Variants in NKAIN1 observed in about 807,000 individuals in gnomAD.
NKAIN1 encodes sodium/potassium transporting ATPase interacting 1.
Under a neutral mutation model 31.6 loss-of-function variants are expected in NKAIN1, and 13 were observed. The ratio of observed to expected loss-of-function variants is 0.41; its 90% CI spans 0.27 to 0.65. The LOEUF is 0.65. Ranked by LOEUF, NKAIN1 falls within the 30% of genes least tolerant of loss-of-function variation. NKAIN1 has a pLI of 0.30. For missense variants in NKAIN1, 193 were observed against 262.2 expected (o/e 0.74, Z 1.82); for synonymous variants, 104 against 109.0 (o/e 0.95, Z 0.28).
intron 1 of NKAIN1, among the ~76,000 whole-genome samples, chr1:31,232,082 T>C (rs1191941825): frequency 8.9e-6 from 1 of 112,988 alleles, no homozygotes; most frequent in Non-Finnish European, 1.8e-5. Context: ...CCCAGCTAAG[T>C]TTTTACCTTT....
rs141110311 is a variant in NKAIN1, at chr1:31,183,917, C to T, written c.371G>A (p.Arg124His). The change falls in exon 4 of 7, where the codon CGC becomes CAC. Residue 124 changes from arginine to histidine, a missense_variant. By Grantham distance (29) the Arg-to-His change is conservative (BLOSUM62 0). Transcript: ENST00000373736. ...GCLVTPVLNS[R>H]LALEDHHVIS... ...GACATGGTGGTCCTCCAGAGCCAGGCGGGAGTTCAGAACAGGTGTCACCAG... is the reference window on the plus strand; with the variant it reads ...GACATGGTGGTCCTCCAGAGCCAGGTGGGAGTTCAGAACAGGTGTCACCAG... 33 of 1,614,060 alleles carry T rather than the reference C, an allele frequency of 2.0e-5. No homozygotes were observed. Among genetic ancestry groups the T allele is most frequent in the Admixed American group, 1.3e-4 (8 of 60,002 alleles).
At chr1:31,181,819 A>G in intron 6 of NKAIN1, 41 bp downstream of exon 6, 1 of 1,580,260 alleles carries the variant, frequency 6.3e-7, no homozygotes, top group Non-Finnish European at 8.6e-7. Context: ...CGCAACCCCG[A>G]CGCCCAGGCC....
chr1:31,230,861 A>G (rs1388177375), intron 1 of NKAIN1, among the ~76,000 whole-genome samples: 1 of 149,448 alleles, frequency 6.7e-6, no homozygotes, highest in African/African-American at 2.5e-5. Flanking sequence ...AAATAATCCA[A>G]TCATACTCTT....
chr1:31,222,790 C>T (rs1569575265), intron 1 of NKAIN1, among the ~76,000 whole-genome samples: 1 of 152,150 alleles, frequency 6.6e-6, no homozygotes, highest in East Asian at 1.9e-4. Context: ...TCCAAAAGGC[C>T]TGGGTTAGAG....
At chr1:31,217,162 C>T (rs1008767532) in intron 1 of NKAIN1, among the ~76,000 whole-genome samples, 3 of 151,482 alleles carry the variant, frequency 2.0e-5, no homozygotes, top group African/African-American at 2.4e-5. Flanking sequence ...CACCGTGCCG[C>T]GGCATTGACT....
In NKAIN1 at chr1:31,223,686, C is replaced by T. The variant is rs976118327; in HGVS notation, c.54+15808G>A. Among the ~76,000 whole-genome samples the T allele has an allele frequency of 1.5e-4, 23 of 152,138 alleles. 1 individual carries two copies. Among genetic ancestry groups the T allele is most frequent in the Admixed American group, 6.5e-5 (1 of 15,276 alleles). On this transcript the variant is annotated intron_variant, in intron 1 of 6. Coordinates refer to ENST00000373736, the MANE Select transcript of NKAIN1 (RefSeq NM_024522.3). ...GTCCCGATCTCCTGACCTCGTGATT[C>T]GCCTGCCTCGGCCTCCCAAAGTGCT...
intron 1 of NKAIN1, among the ~76,000 whole-genome samples, chr1:31,219,650 T>C (rs533328159): frequency 2.0e-5 from 3 of 152,360 alleles, no homozygotes; most frequent in East Asian, 1.9e-4. Context: ...CTGTGGTGTC[T>C]GTTGTGAGCA....
intron 1 of NKAIN1, among the ~76,000 whole-genome samples, chr1:31,216,083 T>C (rs1329163644): frequency 6.6e-6 from 1 of 151,454 alleles, no homozygotes; most frequent in Non-Finnish European, 1.5e-5. Context: ...CACTGCAGCT[T>C]TGGGAGGAGA....
intron 1 of NKAIN1, among the ~76,000 whole-genome samples, chr1:31,202,344 C>T (rs1002166153): frequency 1.4e-4 from 22 of 152,270 alleles, no homozygotes; most frequent in Admixed American, 4.6e-4. Flanking sequence ...CTGGGCCAAA[C>T]GGCCCAGGGT....
chr1:31,225,033 C>CTTTTCTTTTTTCTTTT (rs542671307), intron 1 of NKAIN1, among the ~76,000 whole-genome samples: 2 of 112,132 alleles, frequency 1.8e-5, no homozygotes, highest in African/African-American at 8.4e-5. Context: ...CTTTTCTTTT[C>CTTTTCTTTTTTCTTTT]TTTTTTTTTT....
rs35096054 is a variant in NKAIN1 at position 31,230,878 on chromosome 1, A to ATTT, written c.54+8613_54+8615dup. On this transcript the variant is annotated intron_variant, in intron 1 of 6. Transcript: ENST00000373736. ...ATAATCCAATCATACTCTTTGGGTT[A>ATTT]TTTTTTTTTTTTTTTTTTTTTGAGA... 2.1e-4 allele frequency among the ~76,000 whole-genome samples: 17 copies of ATTT among 79,292 alleles called. 1 individual carries two copies. In the South Asian group the frequency reaches 5.2e-3, roughly 24 times the overall value. The allele number at this position is 79,292 out of a possible 152,430, so 52.0% of individuals were successfully genotyped here.
At chr1:31,211,393 C>T (rs966323464) in intron 1 of NKAIN1, among the ~76,000 whole-genome samples, 3 of 152,098 alleles carry the variant, frequency 2.0e-5, no homozygotes, top group African/African-American at 4.8e-5. Flanking sequence ...ATTAACAAAA[C>T]AATTTCATTT....
chr1:31,212,769 G>A (rs11584136), intron 1 of NKAIN1, among the ~76,000 whole-genome samples: 1 of 151,598 alleles, frequency 6.6e-6, no homozygotes, highest in Non-Finnish European at 1.5e-5. Flanking sequence ...CAGAGGCCGA[G>A]GTGGGCGGAT....
intron 1 of NKAIN1, among the ~76,000 whole-genome samples, chr1:31,194,708 G>C (rs1028805987): frequency 2.1e-5 from 3 of 143,956 alleles, no homozygotes; most frequent in African/African-American, 7.8e-5. Flanking sequence ...CACCTGGCCT[G>C]CTTTCTTTTT....
At chr1:31,219,175 C>T (rs1557660313) in intron 1 of NKAIN1, among the ~76,000 whole-genome samples, 2 of 152,250 alleles carry the variant, frequency 1.3e-5, no homozygotes, top group African/African-American at 4.8e-5. Flanking sequence ...GTAGGCCAGG[C>T]TGTGAATTTC....
chr1:31,186,059 AT>A (rs1319328918), intron 2 of NKAIN1, among the ~76,000 whole-genome samples: 165 of 148,450 alleles, frequency 1.1e-3, no homozygotes, highest in African/African-American at 3.9e-3. Context: ...GAAAACCCAT[AT>A]TTAAAAAAAA....
intron 1 of NKAIN1, among the ~76,000 whole-genome samples, chr1:31,191,410 T>G (rs1038269879): frequency 3.3e-5 from 5 of 151,570 alleles, no homozygotes; most frequent in African/African-American, 9.7e-5. Flanking sequence ...GTTTTTTTTT[T>G]TTTTTTTTTT....
chr1:31,184,031 C>G lies in NKAIN1; in HGVS notation c.274-17G>C. On this transcript the variant is annotated splice_polypyrimidine_tract_variant and intron_variant, in intron 3 of 6. Transcript: ENST00000373736. ...GTCCCGGTCCTGGGGGCAAAGGGGC[C>G]TGGGATACTGAGTGTGAGGGAGAGG... The G allele has an allele frequency of 6.2e-7, 1 of 1,610,300 alleles. No individual in the cohort carries two copies. The highest frequency in any genetic ancestry group is 1.3e-5 in the African/African-American group (1 of 74,864).
At chr1:31,197,144 C>A (rs1440843783) in intron 1 of NKAIN1, among the ~76,000 whole-genome samples, 2 of 143,758 alleles carry the variant, frequency 1.4e-5, no homozygotes, top group African/African-American at 5.1e-5. Context: ...CAGAATCTCA[C>A]TCTGCCGCCC....
Sources: gnomAD v4.1 joint callset for allele counts (sites outside exome capture counted in the v4.1 genomes callset) on GRCh38, gnomAD v4.1.1 for gene constraint, MANE v1.5 for transcripts, NCBI Gene and HGNC (gene_info 2026-07-23, HGNC 2026-07-21) for gene names.